Variants in TTYH3 observed in about 807,000 individuals in gnomAD.
TTYH3 encodes the protein tweety family member 3, also known as protein tweety homolog 3.
TTYH3 carries 23 observed loss-of-function variants against 68.2 expected under a neutral mutation model. The ratio of observed to expected loss-of-function variants is 0.34; its 90% CI spans 0.24 to 0.48. TTYH3 has a LOEUF of 0.48. TTYH3 is among the 20% of genes least tolerant of loss of function. The pLI is 0.99. For synonymous variants in TTYH3, 360 were observed against 332.8 expected (o/e 1.08, Z -0.89); for missense variants, 768 against 727.7 (o/e 1.06, Z -0.64).
At chr7:2,659,893 C>T in intron 13 of TTYH3, 1 of 646,952 alleles carries the variant, frequency 1.5e-6, no homozygotes, top group Non-Finnish European at 2.2e-6. Flanking sequence ...AGGCCACACT[C>T]TCTCTCTCTC....
Position 2,646,917 on chromosome 7 carries a change from TCTA to T in TTYH3, c.191_193del (p.Tyr64del), listed in dbSNP as rs1470182692. 2 of 1,600,508 alleles carry T rather than the reference TCTA, an allele frequency of 1.2e-6. No homozygotes were observed. Among genetic ancestry groups the T allele is most frequent in the Admixed American group, 1.7e-5 (1 of 59,946 alleles). ...GCCCTGGACCTCCTCTTCCTGCTCT[TCTA>T]CTCCTTCTGGCTGTGCTGCCGGCGG... On this transcript the variant is annotated inframe_deletion, in exon 2 of 14. Coordinates refer to ENST00000258796, the MANE Select transcript of TTYH3 (RefSeq NM_025250.3).
chr7:2,639,068 C>T (rs1785758733), intron 1 of TTYH3, among the ~76,000 whole-genome samples: 1 of 152,156 alleles, frequency 6.6e-6, no homozygotes, highest in Non-Finnish European at 1.5e-5. Flanking sequence ...CCTCGGTCTG[C>T]ACTGGGGTGT....
At position 2,647,003 on chromosome 7, in the gene TTYH3, A is replaced by G. The variant is rs144540890; in HGVS notation, c.274A>G (p.Ile92Val). The change falls in exon 2 of 14, where the codon ATC becomes GTC. Residue 92 changes from isoleucine to valine, a missense_variant. Ile to Val is a conservative substitution (Grantham distance 29). Transcript: ENST00000258796. ...CTGCTGCACGGCCTGGTGTGTCATC[A>G]TCGCCACGCTGGTGTGCAGGTGAGC... ...DCCCTAWCVI[I>V]ATLVCSAGIA... The G allele has an allele frequency of 2.4e-5, 38 of 1,577,678 alleles. No homozygotes were observed. In the African/African-American group the frequency reaches 5.0e-4, roughly 21 times the overall value.
Position 2,647,449 on chromosome 7 carries a change from C to T in TTYH3, c.437C>T (p.Thr146Met), listed in dbSNP as rs1173938951. 3.9e-6 allele frequency: 6 copies of T among 1,528,806 alleles called. No homozygotes were observed. In the East Asian group the frequency reaches 9.8e-5, roughly 25 times the overall value. 94.7% of individuals were successfully genotyped at this position (1,528,806 alleles called of 1,614,324 possible). A position where few individuals can be genotyped will look rare whatever the true frequency, so the allele number is the denominator to read the frequency against. Residue 146 changes from threonine (T) to methionine (M), a missense_variant, in exon 4 of 14, where the codon ACG becomes ATG. By Grantham distance (81) the Thr-to-Met change is moderately conservative. Coordinates refer to ENST00000258796, the MANE Select transcript of TTYH3 (RefSeq NM_025250.3). ...VWDTAVGLNHTAEPSLQTLER... is the reference protein window; with the variant it reads ...VWDTAVGLNHMAEPSLQTLER... ...GACACGGCGGTGGGGCTGAACCACA[C>T]GGCGGAGCCCAGCCTGCAGACCCTG...
In TTYH3 at chr7:2,656,079, G is replaced by T; in HGVS notation, c.1021-13G>T. On this transcript the variant is annotated splice_polypyrimidine_tract_variant and intron_variant, in intron 9 of 13. Coordinates refer to ENST00000258796, the MANE Select transcript of TTYH3 (RefSeq NM_025250.3). ...AAATGAAGTGCTGACCATCTGCGGT[G>T]CGTGCCCCCCAGGACCCCCTCCTCC... 6.5e-7 allele frequency: 1 copy of T among 1,532,558 alleles called. No individual in the cohort carries two copies. The highest frequency in any genetic ancestry group is 8.8e-7 in the Non-Finnish European group (1 of 1,131,970). 94.9% of individuals were successfully genotyped at this position (1,532,558 alleles called of 1,614,324 possible). A position where few individuals can be genotyped will look rare whatever the true frequency, so the allele number is the denominator to read the frequency against.
chr7:2,644,276 A>T (rs1214369970), intron 1 of TTYH3, among the ~76,000 whole-genome samples: 4 of 152,026 alleles, frequency 2.6e-5, no homozygotes, highest in Non-Finnish European at 5.9e-5. Context: ...TGGGGTCAGC[A>T]CCTCCACTCC....
At chr7:2,651,744 T>G (rs975789133) in intron 7 of TTYH3, among the ~76,000 whole-genome samples, 3 of 146,812 alleles carry the variant, frequency 2.0e-5, no homozygotes, top group Middle Eastern at 3.4e-3. Flanking sequence ...TTTTAAAATG[T>G]TTTTTTTTAA....
chr7:2,639,640 A>G (rs1785777362), intron 1 of TTYH3, among the ~76,000 whole-genome samples: 1 of 151,940 alleles, frequency 6.6e-6, no homozygotes, highest in Non-Finnish European at 1.5e-5. Context: ...CAGTGTGGGG[A>G]CTCCGTCCCC....
intron 8 of TTYH3, 60 bp downstream of exon 8, chr7:2,652,302 T>TGGAGGG (rs1037233683): frequency 6.7e-7 from 1 of 1,491,990 alleles, no homozygotes; most frequent in Non-Finnish European, 9.2e-7. Flanking sequence ...TTGCTGTGTG[T>TGGAGGG]GGAGGGGCCC....
At chr7:2,650,513 G>T (rs1389455451) in intron 7 of TTYH3, among the ~76,000 whole-genome samples, 3 of 152,070 alleles carry the variant, frequency 2.0e-5, no homozygotes, top group Admixed American at 2.0e-4. Flanking sequence ...AGGAGGTGGA[G>T]GTTGCAATGA....
intron 1 of TTYH3, among the ~76,000 whole-genome samples, chr7:2,635,557 C>A (rs953048972): frequency 1.3e-5 from 2 of 152,182 alleles, no homozygotes; most frequent in African/African-American, 4.8e-5. Context: ...CGAACCCAGG[C>A]GGTGGGAGCC....
intron 1 of TTYH3, among the ~76,000 whole-genome samples, chr7:2,635,968 T>C (rs1785646285): frequency 6.6e-6 from 1 of 152,080 alleles, no homozygotes. Context: ...TGCCAGAGGG[T>C]CGCTCTGGTC....
In TTYH3 at chr7:2,663,894, C is replaced by G. The variant is rs1032202053; in HGVS notation, c.*2155C>G. On this transcript the variant is annotated 3_prime_UTR_variant, in exon 14 of 14. Coordinates refer to ENST00000258796, the MANE Select transcript of TTYH3 (RefSeq NM_025250.3). ...CGGGGAAAATCAAAAGGGGTTCAAA[C>G]CCCACCTCAGTAGGTGGAGGGGAGC... The G allele has an allele frequency of 6.6e-6, 1 of 152,552 alleles. No homozygotes were observed. Among genetic ancestry groups the G allele is most frequent in the African/African-American group, 2.4e-5 (1 of 41,470 alleles). The allele number at this position is 152,552 out of a possible 1,614,324, so 9.4% of individuals were successfully genotyped here. A position where few individuals can be genotyped will look rare whatever the true frequency, so the allele number is the denominator to read the frequency against.
intron 5 of TTYH3, among the ~76,000 whole-genome samples, chr7:2,649,172 G>T (rs1415815432): frequency 6.6e-6 from 1 of 152,128 alleles, no homozygotes; most frequent in Non-Finnish European, 1.5e-5. Context: ...GCTGAGCGAG[G>T]GTTCAGCACA....
chr7:2,661,939 C>T lies in TTYH3; in HGVS notation c.*200C>T. 1 of 633,854 alleles carries T rather than the reference C, an allele frequency of 1.6e-6. No individual in the cohort carries two copies. The highest frequency in any genetic ancestry group is 1.9e-5 in the South Asian group (1 of 53,352). 39.3% of individuals were successfully genotyped at this position (633,854 alleles called of 1,614,324 possible). On this transcript the variant is annotated 3_prime_UTR_variant, in exon 14 of 14. Transcript: ENST00000258796. ...AGGGGCTCTGGGCCCGTACCGCCAA[C>T]TCGGGTCACACCTGAACGCTGCTGC...
Position 2,661,771 on chromosome 7 carries a change from C to T in TTYH3, c.*32C>T, listed in dbSNP as rs1454510580. On this transcript the variant is annotated 3_prime_UTR_variant, in exon 14 of 14. Transcript: ENST00000258796. ...CCCGGCAGCCACCCACCCCACGTGC[C>T]AACTTCCCCTCCCCGTGCCAGCACT... 1.3e-6 allele frequency: 2 copies of T among 1,595,992 alleles called. No homozygotes were observed. Among genetic ancestry groups the T allele is most frequent in the African/African-American group, 1.3e-5 (1 of 74,462 alleles).
At position 2,641,001 on chromosome 7, in the gene TTYH3, G is replaced by A. The variant is rs6973295; in HGVS notation, c.124-5852G>A. ...ATCCTGGGGACATCCTGGAGGAGAT[G>A]GCCTGTGTATGGGGACAATGGGGCT... On this transcript the variant is annotated intron_variant, in intron 1 of 13. Transcript: ENST00000258796. 5.4e-3 allele frequency among the ~76,000 whole-genome samples: 820 copies of A among 152,312 alleles called. 8 individuals are homozygous for A. Among genetic ancestry groups the A allele is most frequent in the African/African-American group, 0.018 (763 of 41,570 alleles).
Position 2,661,862 on chromosome 7 carries a change from T to G in TTYH3, c.*123T>G. On this transcript the variant is annotated 3_prime_UTR_variant, in exon 14 of 14. Transcript: ENST00000258796. ...GTGCCAGGCCTGCCCCAGACGCGTC[T>G]GCAGGCCGCTTGCCCTCCTGTCCCC... is the stretch of plus-strand genomic sequence containing the variant. The G allele has an allele frequency of 9.3e-7, 1 of 1,073,166 alleles. No individual in the cohort carries two copies. Among genetic ancestry groups the G allele is most frequent in the Non-Finnish European group, 1.4e-6 (1 of 735,534 alleles). The allele number at this position is 1,073,166 out of a possible 1,614,324, so 66.5% of individuals were successfully genotyped here.
intron 2 of TTYH3, 25 bp from the exon 3 acceptor site, chr7:2,647,117 C>G: frequency 1.3e-6 from 2 of 1,575,576 alleles, no homozygotes; most frequent in African/African-American, 2.7e-5. Flanking sequence ...GGCGGGGCTA[C>G]ATCTCACGGG....
Sources: gnomAD v4.1 joint callset for allele counts (sites outside exome capture counted in the v4.1 genomes callset) on GRCh38, gnomAD v4.1.1 for gene constraint, MANE v1.5 for transcripts, NCBI Gene and HGNC (gene_info 2026-07-23, HGNC 2026-07-21) for gene names.